NETO1: variants seen among roughly 807,000 people sequenced by gnomAD.
NETO1 encodes the protein neuropilin and tolloid-like protein 1.
In NETO1, 26 loss-of-function variants were observed where a neutral mutation model predicts 61.3. That is an observed-to-expected ratio of 0.42 (90% CI 0.31 to 0.59). The LOEUF (loss-of-function observed/expected upper bound fraction) is 0.59. Ranked by LOEUF, NETO1 falls within the 20% of genes least tolerant of loss-of-function variation. The pLI is 0.12. For missense variants in NETO1, 531 were observed against 662.8 expected (o/e 0.80, Z 2.18); for synonymous variants, 225 against 225.8 (o/e 1.00, Z 0.03).
At chr18:72,753,819 A>C (rs978385504) in intron 8 of NETO1, among the ~76,000 whole-genome samples, 1 of 152,194 alleles carries the variant, frequency 6.6e-6, no homozygotes, top group African/African-American at 2.4e-5. Context: ...GTGGGAGCTA[A>C]AATGTTATTG....
chr18:72,796,972 A>C (rs1372573607), intron 4 of NETO1, among the ~76,000 whole-genome samples: 5 of 152,168 alleles, frequency 3.3e-5, no homozygotes, highest in East Asian at 1.9e-4. Context: ...CATGTTTTGC[A>C]TAGCACTGCT....
At chr18:72,838,218 G>T (rs1330457647) in intron 4 of NETO1, among the ~76,000 whole-genome samples, 1 of 152,230 alleles carries the variant, frequency 6.6e-6, no homozygotes, top group Admixed American at 6.5e-5. Flanking sequence ...GAAAAAGTTT[G>T]TACCTTTAGC....
rs570224875 is a variant in NETO1, at chr18:72,799,540, G to T, written c.470-5136C>A. 2.0e-5 allele frequency among the ~76,000 whole-genome samples: 3 copies of T among 152,270 alleles called. No individual in the cohort carries two copies. The South Asian group carries it at 6.2e-4, about 32-fold the overall frequency. ...GACGGCTTTCTTGTTTCCCTACCTT[G>T]GTCAAAGGTAGGGAATGTGAGTCTA... On this transcript the variant is annotated intron_variant, in intron 4 of 10. Coordinates refer to ENST00000327305, the MANE Select transcript of NETO1 (RefSeq NM_138966.5).
In NETO1 at chr18:72,858,925, G is replaced by T. The variant is rs2074486240; in HGVS notation, c.370C>A (p.Pro124Thr). 6.2e-7 allele frequency: 1 copy of T among 1,613,726 alleles called. No individual in the cohort carries two copies. Among genetic ancestry groups the T allele is most frequent in the Admixed American group, 1.7e-5 (1 of 59,984 alleles). The change falls in exon 4 of 11, where the codon CCT (proline) becomes ACT (threonine). Residue 124 changes from proline (P) to threonine (T), a missense_variant. Physicochemically the swap from Pro to Thr is conservative, Grantham distance 38. Coordinates refer to ENST00000327305, the MANE Select transcript of NETO1 (RefSeq NM_138966.5). ...IGRFCGQQNP[P>T]VIKSSGRFLW... Reference sequence around the variant, plus strand: ...AATCTTCCACTGGATTTTATGACAGGTGGATTTTGTTGTCCACAGAAACGT... The same window carrying T: ...AATCTTCCACTGGATTTTATGACAGTTGGATTTTGTTGTCCACAGAAACGT...
chr18:72,850,872 G>A (rs1599154446), intron 4 of NETO1, among the ~76,000 whole-genome samples: 2 of 152,116 alleles, frequency 1.3e-5, no homozygotes, highest in South Asian at 4.1e-4. Context: ...CCCAAGCAAG[G>A]CCTCTACCAT....
At chr18:72,823,755 T>A (rs1282744467) in intron 4 of NETO1, among the ~76,000 whole-genome samples, 2 of 152,142 alleles carry the variant, frequency 1.3e-5, no homozygotes, top group African/African-American at 4.8e-5. Flanking sequence ...GAATATAAAA[T>A]TCACATGCTT....
intron 7 of NETO1, among the ~76,000 whole-genome samples, chr18:72,769,321 A>G (rs2145168216): frequency 6.6e-6 from 1 of 152,326 alleles, no homozygotes; most frequent in South Asian, 2.1e-4. Context: ...GTCTCTCGGA[A>G]GATAAATGGT....
intron 4 of NETO1, among the ~76,000 whole-genome samples, chr18:72,835,975 A>G (rs1002260328): frequency 2.6e-5 from 4 of 152,202 alleles, no homozygotes; most frequent in African/African-American, 9.6e-5. Context: ...GATAACACTG[A>G]GACGGGGCAG....
chr18:72,772,484 A>G (rs545220800), intron 7 of NETO1, among the ~76,000 whole-genome samples: 4 of 152,076 alleles, frequency 2.6e-5, no homozygotes, highest in South Asian at 2.1e-4. Flanking sequence ...TGGGTTCATG[A>G]AACTAGAGAC....
At chr18:72,778,704 G>A (rs2071639473) in intron 7 of NETO1, among the ~76,000 whole-genome samples, 1 of 152,008 alleles carries the variant, frequency 6.6e-6, no homozygotes, top group Non-Finnish European at 1.5e-5. Flanking sequence ...TAAGCATTCT[G>A]TTCAGAATAA....
At chr18:72,809,709 G>C (rs1455696229) in intron 4 of NETO1, among the ~76,000 whole-genome samples, 1 of 152,098 alleles carries the variant, frequency 6.6e-6, no homozygotes, top group Non-Finnish European at 1.5e-5. Context: ...TGGCTATTCT[G>C]CACACTGCAC....
At chr18:72,808,778 T>C (rs1043135069) in intron 4 of NETO1, among the ~76,000 whole-genome samples, 5 of 152,238 alleles carry the variant, frequency 3.3e-5, no homozygotes, top group Non-Finnish European at 7.3e-5. Flanking sequence ...GAGCAGCCTC[T>C]TGCTGGAAAC....
intron 4 of NETO1, among the ~76,000 whole-genome samples, chr18:72,854,509 T>C (rs2074356470): frequency 6.6e-6 from 1 of 152,236 alleles, no homozygotes; most frequent in Admixed American, 6.5e-5. Context: ...TTAAAGAGAC[T>C]GGAAGGGCCA....
chr18:72,814,375 G>A (rs2072962690), intron 4 of NETO1, among the ~76,000 whole-genome samples: 1 of 151,640 alleles, frequency 6.6e-6, no homozygotes, highest in Non-Finnish European at 1.5e-5. Flanking sequence ...ACCACTAATA[G>A]GACAGGGGAA....
intron 6 of NETO1, among the ~76,000 whole-genome samples, chr18:72,790,062 ATTT>A (rs1356934933): frequency 1.3e-5 from 2 of 152,202 alleles, no homozygotes; most frequent in Non-Finnish European, 2.9e-5. Flanking sequence ...GACTGAAAGT[ATTT>A]TTGAATTAGT....
intron 4 of NETO1, among the ~76,000 whole-genome samples, chr18:72,826,493 T>C (rs1315874109): frequency 6.6e-6 from 1 of 152,004 alleles, no homozygotes; most frequent in Non-Finnish European, 1.5e-5. Flanking sequence ...TTGTTAGTTA[T>C]TTTGACCCTC....
chr18:72,788,279 G>A (rs974913548), intron 6 of NETO1, among the ~76,000 whole-genome samples: 1 of 152,186 alleles, frequency 6.6e-6, no homozygotes, highest in African/African-American at 2.4e-5. Flanking sequence ...GCATTCAGTA[G>A]TGTTTACCTA....
chr18:72,816,869 A>T (rs778783746), intron 4 of NETO1, among the ~76,000 whole-genome samples: 5 of 152,116 alleles, frequency 3.3e-5, no homozygotes, highest in Non-Finnish European at 7.4e-5. Flanking sequence ...CAAGGAGTCC[A>T]TCTACACTTG....
intron 4 of NETO1, among the ~76,000 whole-genome samples, chr18:72,821,454 A>C (rs1054609593): frequency 6.6e-6 from 1 of 150,572 alleles, no homozygotes; most frequent in South Asian, 2.1e-4. Flanking sequence ...TAATCCAACT[A>C]CTCAAGAGGT....
Sources: allele counts gnomAD v4.1 joint callset (sites outside exome capture counted in the v4.1 genomes callset), GRCh38; gene constraint gnomAD v4.1.1; transcripts MANE v1.5; gene names NCBI Gene and HGNC (gene_info 2026-07-23, HGNC 2026-07-21).